The following OMD variants were observed in gnomAD, a reference collection of about 807,000 sequenced individuals.
OMD encodes osteomodulin, also known as KSPG osteomodulin.
A neutral mutation model predicts 31.2 loss-of-function variants in OMD; 19 were observed. That is an observed-to-expected ratio of 0.61 (90% CI 0.42 to 0.89). The LOEUF is 0.89. Ranked by LOEUF, OMD falls within the 40% of genes least tolerant of loss-of-function variation. The pLI, the probability that OMD is intolerant of heterozygous loss-of-function variation, is 0.00. For missense variants in OMD, 448 were observed against 490.8 expected (o/e 0.91, Z 0.82); for synonymous variants, 155 against 166.4 (o/e 0.93, Z 0.53).
Position 92,415,104 on chromosome 9 carries a change from A to T in OMD, c.*48T>A. 7.4e-7 allele frequency: 1 copy of T among 1,343,122 alleles called. No individual in the cohort carries two copies. The highest frequency in any genetic ancestry group is 1.0e-6 in the Non-Finnish European group (1 of 977,684). The allele number at this position is 1,343,122 out of a possible 1,614,324, so 83.2% of individuals were successfully genotyped here. A position where few individuals can be genotyped will look rare whatever the true frequency, so the allele number is the denominator to read the frequency against. ...CATGTTTACTTAGATTTACTATATTAAGTATAGGTTTTGTGAAGTCGTAAG... is the reference window on the plus strand; with the variant it reads ...CATGTTTACTTAGATTTACTATATTTAGTATAGGTTTTGTGAAGTCGTAAG... On this transcript the variant is annotated 3_prime_UTR_variant, in exon 3 of 3. Transcript: ENST00000375550.
chr9:92,415,295 G>A lies in OMD; in HGVS notation c.1123C>T (p.Leu375=). Residue 375 remains leucine (L), a synonymous_variant, in exon 3 of 3, where the codon CTA becomes TTA. Coordinates refer to ENST00000375550, the MANE Select transcript of OMD (RefSeq NM_005014.3). Reference sequence around the variant, plus strand: ...AATCTCCTGAAAACTTGTGTCTTTAGTTGTATTGTTTGACCATTAGTGCTT... The same window carrying A: ...AATCTCCTGAAAACTTGTGTCTTTAATTGTATTGTTTGACCATTAGTGCTT... ...QRSTNGQTIQ[L]KTQVFRRFPD... The A allele has an allele frequency of 6.2e-7, 1 of 1,613,648 alleles. No homozygotes were observed. Among genetic ancestry groups the A allele is most frequent in the Non-Finnish European group, 8.5e-7 (1 of 1,179,792 alleles).
intron 1 of OMD, among the ~76,000 whole-genome samples, chr9:92,421,795 A>G (rs1261492688): frequency 6.6e-6 from 1 of 152,164 alleles, no homozygotes; most frequent in Non-Finnish European, 1.5e-5. Flanking sequence ...TTAGTGGAGG[A>G]GAGAGATACA....
chr9:92,416,068 A>ATTTATT (rs1554760092), intron 2 of OMD, among the ~76,000 whole-genome samples: 5 of 136,998 alleles, frequency 3.6e-5, no homozygotes, highest in Admixed American at 2.3e-4. Context: ...GTATATATAT[A>ATTTATT]TATTTATTTA....
rs1843904162 is a variant in OMD, at chr9:92,424,372, G to A, written c.-187C>T. ...CAATTTAAGCAAATACAATCTTCTT[G>A]GAAAACACTCGGGTTGAATTAAAAT... is the stretch of plus-strand genomic sequence containing the variant. On this transcript the variant is annotated 5_prime_UTR_variant, in exon 1 of 3. Coordinates refer to ENST00000375550, the MANE Select transcript of OMD (RefSeq NM_005014.3). 1 of 152,004 alleles carries A rather than the reference G, an allele frequency of 6.6e-6. No individual in the cohort carries two copies. Among genetic ancestry groups the A allele is most frequent in the Admixed American group, 6.6e-5 (1 of 15,242 alleles). The allele number at this position is 152,004 out of a possible 1,614,324, so 9.4% of individuals were successfully genotyped here.
At chr9:92,416,486 TG>T in intron 2 of OMD, 132 bp downstream of exon 2, 1 of 585,908 alleles carries the variant, frequency 1.7e-6, no homozygotes, top group Admixed American at 3.3e-5. Context: ...GGCAGATTTC[TG>T]CCATTCCCTT....
intron 2 of OMD, among the ~76,000 whole-genome samples, chr9:92,416,147 C>T (rs1385680046): frequency 6.8e-6 from 1 of 147,800 alleles, no homozygotes; most frequent in Non-Finnish European, 1.5e-5. Flanking sequence ...TCATCCAGGC[C>T]AGAAAGCAGT....
chr9:92,416,297 A>G (rs1020402843), intron 2 of OMD, among the ~76,000 whole-genome samples: 2 of 151,514 alleles, frequency 1.3e-5, no homozygotes, highest in African/African-American at 2.4e-5. Context: ...ATGGGACTTC[A>G]CTATATTGAC....
rs113869109 is a variant in OMD at position 92,416,159 on chromosome 9, G to T, written c.940+460C>A. ...CTGTCATCCAGGCCAGAAAGCAGTGGCATGATCTCAGCTCACTGCAACCTC... is the reference window on the plus strand; with the variant it reads ...CTGTCATCCAGGCCAGAAAGCAGTGTCATGATCTCAGCTCACTGCAACCTC... On this transcript the variant is annotated intron_variant, in intron 2 of 2. Transcript: ENST00000375550. Among the ~76,000 whole-genome samples, 8 of 149,244 alleles carry T rather than the reference G, an allele frequency of 5.4e-5. No individual in the cohort carries two copies. The South Asian group carries it at 1.7e-3, about 32-fold the overall frequency.
At chr9:92,420,108 C>A (rs1843741285) in intron 1 of OMD, among the ~76,000 whole-genome samples, 2 of 152,186 alleles carry the variant, frequency 1.3e-5, no homozygotes, top group African/African-American at 4.8e-5. Context: ...TGCTCCCATG[C>A]ACCCGCATCC....
chr9:92,413,413 G>A lies in OMD; in HGVS notation c.*1739C>T, dbSNP rs1843500922. ...TCTTGCCAACACTTGTTATTTGTCT[G>A]CCTTTTGATTTCAGCTATCCTAGTG... On this transcript the variant is annotated 3_prime_UTR_variant, in exon 3 of 3. Coordinates refer to ENST00000375550, the MANE Select transcript of OMD (RefSeq NM_005014.3). 2.0e-5 allele frequency among the ~76,000 whole-genome samples: 3 copies of A among 152,080 alleles called. No homozygotes were observed. The highest frequency in any genetic ancestry group is 2.0e-4 in the Admixed American group (3 of 15,262).
intron 1 of OMD, among the ~76,000 whole-genome samples, chr9:92,421,416 G>C (rs1352912328): frequency 6.6e-6 from 1 of 152,162 alleles, no homozygotes; most frequent in East Asian, 1.9e-4. Flanking sequence ...AACATATTTG[G>C]GCTGTGATTT....
chr9:92,413,848 A>G lies in OMD; in HGVS notation c.*1304T>C, dbSNP rs934494466. Among the ~76,000 whole-genome samples the G allele has an allele frequency of 5.9e-5, 9 of 152,224 alleles. No homozygotes were observed. ...CGTTCTGGTTCTGATAATGCTAATAATTCCTCAAAGATGTAAAGAGCATTA... is the reference window on the plus strand; with the variant it reads ...CGTTCTGGTTCTGATAATGCTAATAGTTCCTCAAAGATGTAAAGAGCATTA... On this transcript the variant is annotated 3_prime_UTR_variant, in exon 3 of 3. Coordinates refer to ENST00000375550, the MANE Select transcript of OMD (RefSeq NM_005014.3).
At position 92,415,494 on chromosome 9, in the gene OMD, A is replaced by T; in HGVS notation, c.941-17T>A. ...GATTCATCTCTGAAAGAAATAAATT[A>T]AAAATTAATCTTGTATTATAGTATA... On this transcript the variant is annotated splice_polypyrimidine_tract_variant and intron_variant, in intron 2 of 2. Transcript: ENST00000375550. 1 of 1,455,512 alleles carries T rather than the reference A, an allele frequency of 6.9e-7. No homozygotes were observed. Among genetic ancestry groups the T allele is most frequent in the Non-Finnish European group, 9.3e-7 (1 of 1,073,436 alleles). 90.2% of individuals were successfully genotyped at this position (1,455,512 alleles called of 1,614,324 possible). A position where few individuals can be genotyped will look rare whatever the true frequency, so the allele number is the denominator to read the frequency against.
intron 1 of OMD, among the ~76,000 whole-genome samples, chr9:92,422,234 A>G (rs949548051): frequency 1.3e-5 from 2 of 151,988 alleles, no homozygotes; most frequent in African/African-American, 4.8e-5. Flanking sequence ...TTGTATTTTT[A>G]GTTAAGACGG....
rs565803535 is a variant in OMD, at chr9:92,414,257, T to A, written c.*895A>T. The A allele has an allele frequency of 5.4e-6, 1 of 184,440 alleles. No individual in the cohort carries two copies. The highest frequency in any genetic ancestry group is 6.2e-5 in the Admixed American group (1 of 16,070). The allele number at this position is 184,440 out of a possible 1,614,324, so 11.4% of individuals were successfully genotyped here. ...GATAAGCATAAAGTGTTTAGTATTA[T>A]CTTTAGAACTTTATTTTGCCAACAC... On this transcript the variant is annotated 3_prime_UTR_variant, in exon 3 of 3. Coordinates refer to ENST00000375550, the MANE Select transcript of OMD (RefSeq NM_005014.3).
At position 92,417,486 on chromosome 9, in the gene OMD, A is replaced by G; in HGVS notation, c.73T>C (p.Tyr25His). 1 of 1,613,896 alleles carries G rather than the reference A, an allele frequency of 6.2e-7. No homozygotes were observed. The highest frequency in any genetic ancestry group is 8.5e-7 in the Non-Finnish European group (1 of 1,179,940). ...TGGTCATAGTCTTCATCCCACTGAT[A>G]AGTTTCATATTGGCAATGTACTTTG... is the stretch of plus-strand genomic sequence containing the variant. ...GVKVHCQYETYQWDEDYDQEP... is the reference protein window; with the variant it reads ...GVKVHCQYETHQWDEDYDQEP... Residue 25 changes from tyrosine (Y) to histidine (H), a missense_variant, in exon 2 of 3, where the codon TAT becomes CAT. Coordinates refer to ENST00000375550, the MANE Select transcript of OMD (RefSeq NM_005014.3).
At chr9:92,424,123 T>C (rs1212803769) in intron 1 of OMD, 79 bp downstream of exon 1, 2 of 152,192 alleles carry the variant, frequency 1.3e-5, no homozygotes, top group Non-Finnish European at 2.9e-5. Flanking sequence ...TATTTTAATA[T>C]TAAAAAATCC....
intron 1 of OMD, among the ~76,000 whole-genome samples, chr9:92,419,693 A>G (rs1843728922): frequency 6.6e-6 from 1 of 152,208 alleles, no homozygotes; most frequent in African/African-American, 2.4e-5. Flanking sequence ...GAAAACTGCT[A>G]TCCAGATGAA....
intron 1 of OMD, among the ~76,000 whole-genome samples, chr9:92,423,404 T>C (rs1020394049): frequency 6.6e-6 from 1 of 152,150 alleles, no homozygotes; most frequent in Non-Finnish European, 1.5e-5. Flanking sequence ...TGAGGTATAA[T>C]TTACTTGTTC....
Sources: gnomAD v4.1 joint callset for allele counts (sites outside exome capture counted in the v4.1 genomes callset) on GRCh38, gnomAD v4.1.1 for gene constraint, MANE v1.5 for transcripts, NCBI Gene and HGNC (gene_info 2026-07-23, HGNC 2026-07-21) for gene names.